Variants in SCAP observed in about 807,000 individuals in gnomAD.
The protein encoded by SCAP is sterol regulatory element-binding protein cleavage-activating protein.
Under a neutral mutation model 123.6 loss-of-function variants are expected in SCAP, and 65 were observed. The ratio of observed to expected loss-of-function variants is 0.53; its 90% CI spans 0.43 to 0.65. The LOEUF (loss-of-function observed/expected upper bound fraction) is 0.65. Ranked by LOEUF, SCAP falls within the 30% of genes least tolerant of loss-of-function variation. The probability of loss-of-function intolerance (pLI) is 0.00; values close to 1 mark genes in which losing one functional copy is unlikely to be tolerated. For synonymous variants in SCAP, 740 were observed against 726.3 expected, an observed-to-expected ratio of 1.02 and a Z score of -0.30; for missense variants, 1,398 against 1,712.5, an observed-to-expected ratio of 0.82 and a Z score of 3.24.
chr3:47,418,412 C>T lies in SCAP; in HGVS notation c.2240G>A (p.Arg747Gln), dbSNP rs779359225. The change falls in exon 15 of 23, where the codon CGG (arginine) becomes CAG (glutamine). Residue 747 changes from arginine to glutamine, a missense_variant. Arg to Gln is a conservative substitution (Grantham distance 43). This residue lies in a region of SCAP where 828 missense variants were observed against 882.5 expected (regional missense o/e 0.94). Transcript: ENST00000265565. ...GCAGGGCAGCTCCCCGCGCCTCCGC[C>T]GCCCGGGCCCACCACCCAGCTGCCC... is the stretch of plus-strand genomic sequence containing the variant. Reference protein sequence around the residue: ...NYGQLGGGPGRRRRGELPCDD... With the variant: ...NYGQLGGGPGQRRRGELPCDD... The T allele has an allele frequency of 1.6e-5, 26 of 1,576,932 alleles. No individual in the cohort carries two copies. The highest frequency in any genetic ancestry group is 4.6e-5 in the East Asian group (2 of 43,258).
chr3:47,416,438 C>T (rs2107752651), intron 18 of SCAP, among the ~76,000 whole-genome samples: 1 of 152,288 alleles, frequency 6.6e-6, no homozygotes, highest in East Asian at 1.9e-4. Flanking sequence ...CACTCTGTAA[C>T]TAAAAATGCA....
chr3:47,464,511 G>C (rs1707757425), intron 1 of SCAP, among the ~76,000 whole-genome samples: 1 of 152,060 alleles, frequency 6.6e-6, no homozygotes, highest in South Asian at 2.1e-4. Flanking sequence ...GAAAAACAAT[G>C]ATCATCCCAA....
chr3:47,424,077 T>G (rs1195335086), intron 8 of SCAP, 32 bp from the exon 9 acceptor site: 17 of 1,549,422 alleles, frequency 1.1e-5, no homozygotes, highest in Non-Finnish European at 1.5e-5. Flanking sequence ...GTGAGGACAG[T>G]GTTGTGGTGG....
At chr3:47,457,993 A>G (rs1327906357) in intron 1 of SCAP, among the ~76,000 whole-genome samples, 1 of 152,116 alleles carries the variant, frequency 6.6e-6, no homozygotes, top group East Asian at 1.9e-4. Flanking sequence ...TCAAGTTAAT[A>G]GTATTGAAAA....
chr3:47,456,607 A>T (rs1707433470), intron 1 of SCAP, among the ~76,000 whole-genome samples: 1 of 151,686 alleles, frequency 6.6e-6, no homozygotes, highest in African/African-American at 2.4e-5. Flanking sequence ...CTCTACTAAA[A>T]ATACAAAAAT....
chr3:47,473,080 C>CAAAAAAAAAAAAAAAAAAAAAAA lies in SCAP; in HGVS notation c.-99+2718_-99+2719insTTTTTTTTTTTTTTTTTTTTTTT. On this transcript the variant is annotated intron_variant, in intron 1 of 22. Transcript: ENST00000265565. ...GGGCAAGAAGAGCGAAACTCCATCT[C>CAAAAAAAAAAAAAAAAAAAAAAA]AAAAAAAAAAAAAAAAAAACAGACT... Among the ~76,000 whole-genome samples, 91 of 38,050 alleles carry CAAAAAAAAAAAAAAAAAAAAAAA rather than the reference C, an allele frequency of 2.4e-3. 12 individuals are homozygous for CAAAAAAAAAAAAAAAAAAAAAAA. Among genetic ancestry groups the CAAAAAAAAAAAAAAAAAAAAAAA allele is most frequent in the East Asian group, 7.8e-3 (7 of 898 alleles). 25.0% of individuals were successfully genotyped at this position (38,050 alleles called of 152,430 possible).
At chr3:47,418,094 G>T in intron 16 of SCAP, 40 bp downstream of exon 16, 4 of 1,457,412 alleles carry the variant, frequency 2.7e-6, no homozygotes, top group Non-Finnish European at 3.7e-6. Flanking sequence ...GGTGAGGGGG[G>T]TTGTGGGGGC....
At chr3:47,428,439 T>A in intron 4 of SCAP, 74 bp downstream of exon 4, 1 of 1,491,252 alleles carries the variant, frequency 6.7e-7, no homozygotes, top group Non-Finnish European at 9.2e-7. Context: ...CTCACTGCAG[T>A]TACACTGAGG....
chr3:47,471,992 T>C (rs1708038940), intron 1 of SCAP, among the ~76,000 whole-genome samples: 1 of 151,388 alleles, frequency 6.6e-6, no homozygotes, highest in South Asian at 2.1e-4. Flanking sequence ...AATACAAAAT[T>C]AGCCAGGTGT....
At chr3:47,435,465 A>AC (rs1706534507) in intron 2 of SCAP, among the ~76,000 whole-genome samples, 1 of 121,482 alleles carries the variant, frequency 8.2e-6, no homozygotes, top group Non-Finnish European at 1.6e-5. Context: ...ATATAATATA[A>AC]ACATACACAC....
At chr3:47,470,505 T>C (rs1414011319) in intron 1 of SCAP, among the ~76,000 whole-genome samples, 2 of 152,196 alleles carry the variant, frequency 1.3e-5, no homozygotes, top group African/African-American at 4.8e-5. Flanking sequence ...GCCTGACAAC[T>C]AGGCATCAGC....
Position 47,474,809 on chromosome 3 carries a change from C to CA in SCAP, c.-99+989dup, listed in dbSNP as rs773826905. On this transcript the variant is annotated intron_variant, in intron 1 of 22. Coordinates refer to ENST00000265565, the MANE Select transcript of SCAP (RefSeq NM_012235.4). Reference sequence around the variant, plus strand: ...GAGACCCTGTCTCCAAACAAACAAACAAAAAACAAGTCTTTAGGCATCACT... The same window carrying CA: ...GAGACCCTGTCTCCAAACAAACAAACAAAAAAACAAGTCTTTAGGCATCACT... 6.6e-5 allele frequency among the ~76,000 whole-genome samples: 10 copies of CA among 151,962 alleles called. No homozygotes were observed. The East Asian group carries it at 1.2e-3, about 18-fold the overall frequency.
At chr3:47,425,729 G>A (rs1706099392) in intron 7 of SCAP, 118 bp from the exon 8 acceptor site, 2 of 1,170,452 alleles carry the variant, frequency 1.7e-6, no homozygotes, top group Middle Eastern at 2.2e-4. Flanking sequence ...TTTCACCAAA[G>A]GAAAGGGACA....
chr3:47,442,801 G>T, intron 2 of SCAP, 71 bp downstream of exon 2: 1 of 1,403,668 alleles, frequency 7.1e-7, no homozygotes, highest in Non-Finnish European at 1.0e-6. Context: ...GGGCTCCATA[G>T]TGGTTAGGGT....
chr3:47,457,341 G>A (rs1707464998), intron 1 of SCAP, among the ~76,000 whole-genome samples: 1 of 152,182 alleles, frequency 6.6e-6, no homozygotes, highest in African/African-American at 2.4e-5. Flanking sequence ...GGAAGCAGCA[G>A]CCCTCTTCTC....
At chr3:47,427,760 G>T in intron 4 of SCAP, 93 bp from the exon 5 acceptor site, 1 of 1,117,222 alleles carries the variant, frequency 9.0e-7, no homozygotes, top group Non-Finnish European at 1.3e-6. Flanking sequence ...GTTCTTCAAT[G>T]CCCCATATTT....
chr3:47,422,580 C>G (rs773966055), intron 9 of SCAP, 44 bp from the exon 10 acceptor site: 3 of 1,492,740 alleles, frequency 2.0e-6, no homozygotes, highest in Non-Finnish European at 2.8e-6. Context: ...CATGGCCACT[C>G]TGCGACATGA....
chr3:47,469,287 C>T (rs1460261285), intron 1 of SCAP, among the ~76,000 whole-genome samples: 1 of 152,146 alleles, frequency 6.6e-6, no homozygotes, highest in African/African-American at 2.4e-5. Context: ...GCAAAGGTTG[C>T]GGTGAGCAGA....
rs532868749 is a variant in SCAP, at chr3:47,442,817, A to T, written c.122+55T>A. On this transcript the variant is annotated intron_variant, in intron 2 of 22. Transcript: ENST00000265565. The stretch of plus-strand genomic sequence containing the variant: ...GGCTCCATAGTGGTTAGGGTTAGAA[A>T]ACCTACTGTCCTAAGACACTGGCCC... 6 of 1,544,598 alleles carry T rather than the reference A, an allele frequency of 3.9e-6. No individual in the cohort carries two copies. In the South Asian group the frequency reaches 6.7e-5, roughly 17 times the overall value.
Sources: gnomAD v4.1 joint callset for allele counts (sites outside exome capture counted in the v4.1 genomes callset) on GRCh38, gnomAD v4.1.1 for gene constraint, gnomAD v4.1.1 regional missense constraint, MANE v1.5 for transcripts, NCBI Gene and HGNC (gene_info 2026-07-23, HGNC 2026-07-21) for gene names.